Variants in APOH observed in about 807,000 individuals in gnomAD.
The protein encoded by APOH is apolipoprotein H, also known as beta-2-glycoprotein 1.
APOH carries 48 observed loss-of-function variants against 39.8 expected under a neutral mutation model. That is an observed-to-expected ratio of 1.21 (90% confidence interval 0.96 to 1.54). APOH has a LOEUF of 1.54. APOH is among the 40% of genes most tolerant of loss of function. The pLI, the probability that APOH is intolerant of heterozygous loss-of-function variation, is 0.00. For synonymous variants in APOH, 153 were observed against 151.1 expected (o/e 1.01, Z -0.09); for missense variants, 415 against 421.2 (o/e 0.99, Z 0.13).
chr17:66,225,745 C>A (rs578112219), intron 3 of APOH, among the ~76,000 whole-genome samples: 2 of 152,036 alleles, frequency 1.3e-5, no homozygotes, highest in Admixed American at 1.3e-4. Context: ...GGCGTGGTGG[C>A]GGGCGCCAGT....
In APOH at chr17:66,220,597, G is replaced by A. The variant is rs900764644; in HGVS notation, c.561C>T (p.Thr187=). ...QHAMFGNDTI[T]CTTHGNWTKL... is the part of the protein sequence containing the mutation. ...TAGTCCAATTTCCATGTGTCGTGCA[G>A]GTAATTGTATCATTTCCAAACATCG... The change falls in exon 5 of 8, where the codon ACC becomes ACT. Residue 187 remains threonine, a synonymous_variant. Transcript: ENST00000205948. The A allele has an allele frequency of 1.9e-6, 3 of 1,614,058 alleles. No homozygotes were observed.
At position 66,228,060 on chromosome 17, in the gene APOH, A is replaced by G; in HGVS notation, c.201T>C (p.Pro67=). The change falls in exon 2 of 8, where the codon CCT becomes CCC. Residue 67 remains proline (P), a synonymous_variant. Coordinates refer to ENST00000205948, the MANE Select transcript of APOH (RefSeq NM_000042.3). ...SRGGMRKFIC[P]LTGLWPINTL... ...TGTTGATGGGCCACAGTCCTGTGAG[A>G]GGGCAGATAAACTTTCTCATCCCTC... 1 of 1,614,192 alleles carries G rather than the reference A, an allele frequency of 6.2e-7. No individual in the cohort carries two copies. Among genetic ancestry groups the G allele is most frequent in the Non-Finnish European group, 8.5e-7 (1 of 1,180,034 alleles).
At position 66,221,561 on chromosome 17, in the gene APOH, A is replaced by C. The variant is rs148282995; in HGVS notation, c.416-819T>G. Among the ~76,000 whole-genome samples the C allele has an allele frequency of 2.8e-4, 43 of 152,278 alleles. No individual in the cohort carries two copies. The East Asian group carries it at 8.1e-3, about 29-fold the overall frequency. On this transcript the variant is annotated intron_variant, in intron 4 of 7. Transcript: ENST00000205948. ...TCTTTTATTCATATACTACCTTGGAAGATGCTTCTGGAAGGCAGAATTTGT... is the reference window on the plus strand; with the variant it reads ...TCTTTTATTCATATACTACCTTGGACGATGCTTCTGGAAGGCAGAATTTGT...
chr17:66,220,427 T>C (rs1302831209), intron 5 of APOH, 127 bp downstream of exon 5: 2 of 863,500 alleles, frequency 2.3e-6, no homozygotes, highest in Non-Finnish European at 3.6e-6. Flanking sequence ...TGGCACATGG[T>C]AGATGCTCAA....
At chr17:66,215,531 G>A (rs1342257232) in intron 6 of APOH, among the ~76,000 whole-genome samples, 4 of 152,142 alleles carry the variant, frequency 2.6e-5, no homozygotes, top group Admixed American at 6.5e-5. Context: ...TCGAATCCCC[G>A]TCTCAGGCTC....
chr17:66,214,923 GAAAA>G (rs11322858), intron 6 of APOH, among the ~76,000 whole-genome samples: 2 of 133,184 alleles, frequency 1.5e-5, no homozygotes, highest in Admixed American at 7.6e-5. Context: ...CCATTTCAGT[GAAAA>G]AAAAAAAAAA....
intron 5 of APOH, among the ~76,000 whole-genome samples, chr17:66,218,416 C>T (rs1207404262): frequency 6.6e-6 from 1 of 151,964 alleles, no homozygotes; most frequent in African/African-American, 2.4e-5. Context: ...TCAAGCGATT[C>T]TCCTGCCTCA....
At chr17:66,224,383 C>G (rs1167927894) in intron 3 of APOH, among the ~76,000 whole-genome samples, 1 of 129,888 alleles carries the variant, frequency 7.7e-6, no homozygotes, top group East Asian at 2.7e-4. Context: ...AGGAAGGATT[C>G]AAAAGGATTT....
At chr17:66,218,671 T>C (rs2073379911) in intron 5 of APOH, among the ~76,000 whole-genome samples, 2 of 152,180 alleles carry the variant, frequency 1.3e-5, no homozygotes, top group African/African-American at 4.8e-5. Flanking sequence ...ACAACTAGCC[T>C]GTACTCTTCA....
chr17:66,229,229 G>T, intron 1 of APOH, 87 bp downstream of exon 1: 2 of 1,104,496 alleles, frequency 1.8e-6, no homozygotes, highest in Non-Finnish European at 2.7e-6. Context: ...GAGCAAGCAC[G>T]CCCGGCCTAC....
chr17:66,225,888 A>T, intron 3 of APOH, 140 bp downstream of exon 3: 1 of 558,634 alleles, frequency 1.8e-6, no homozygotes, highest in Non-Finnish European at 3.0e-6. Context: ...AAAAAAAAAA[A>T]AAGCAGGACT....
chr17:66,218,205 G>A (rs771050890), intron 5 of APOH, among the ~76,000 whole-genome samples: 1 of 152,210 alleles, frequency 6.6e-6, no homozygotes, highest in Non-Finnish European at 1.5e-5. Flanking sequence ...AGAAAAAGCA[G>A]TGCCTTTACC....
At chr17:66,219,168 G>T (rs2073382747) in intron 5 of APOH, among the ~76,000 whole-genome samples, 1 of 152,106 alleles carries the variant, frequency 6.6e-6, no homozygotes, top group Admixed American at 6.6e-5. Flanking sequence ...AATGTTGCAT[G>T]ATATCGTTGT....
In APOH at chr17:66,214,441, A is replaced by G. The variant is rs774673795; in HGVS notation, c.982+12T>C. ...GTGGGAGTCCTAGCTAAACGTTCCA[A>G]TGCAGACTTACCCTTGAAGCATTTG... On this transcript the variant is annotated intron_variant, in intron 7 of 7. Transcript: ENST00000205948. The G allele has an allele frequency of 8.1e-6, 13 of 1,612,376 alleles. No homozygotes were observed. Among genetic ancestry groups the G allele is most frequent in the Middle Eastern group, 1.7e-4 (1 of 6,046 alleles).
chr17:66,212,541 T>C (rs1325990940), intron 7 of APOH, among the ~76,000 whole-genome samples: 5 of 152,212 alleles, frequency 3.3e-5, no homozygotes, highest in East Asian at 3.9e-4. Context: ...CGTGCCACCA[T>C]GCCTGGCTAA....
chr17:66,226,895 A>ATTTTT (rs748060781), intron 2 of APOH, among the ~76,000 whole-genome samples: 5 of 108,066 alleles, frequency 4.6e-5, no homozygotes, highest in African/African-American at 1.6e-4. Flanking sequence ...TTATTTATTT[A>ATTTTT]TTTTTTTTTT....
intron 5 of APOH, among the ~76,000 whole-genome samples, chr17:66,219,330 G>A (rs2073383882): frequency 6.6e-6 from 1 of 152,004 alleles, no homozygotes; most frequent in African/African-American, 2.4e-5. Context: ...AGATGATGCA[G>A]GAAATAAAAG....
At position 66,220,609 on chromosome 17, in the gene APOH, A is replaced by T; in HGVS notation, c.549T>A (p.Asn183Lys). The T allele has an allele frequency of 6.2e-7, 1 of 1,614,180 alleles. No homozygotes were observed. Among genetic ancestry groups the T allele is most frequent in the East Asian group, 2.2e-5 (1 of 44,890 alleles). ...ECLPQHAMFGNDTITCTTHGN... is the reference protein window; with the variant it reads ...ECLPQHAMFGKDTITCTTHGN... ...CATGTGTCGTGCAGGTAATTGTATC[A>T]TTTCCAAACATCGCATGTTGTGGCA... The change falls in exon 5 of 8, where the codon AAT (asparagine) becomes AAA (lysine). Residue 183 changes from asparagine (N) to lysine (K), a missense_variant. Asn to Lys is a moderately conservative substitution (Grantham distance 94, BLOSUM62 0). Transcript: ENST00000205948.
At chr17:66,221,273 G>GGAAGGAAA (rs2073398319) in intron 4 of APOH, among the ~76,000 whole-genome samples, 1 of 140,066 alleles carries the variant, frequency 7.1e-6, no homozygotes, top group Non-Finnish European at 1.5e-5. Flanking sequence ...AAGAAAGGAA[G>GGAAGGAAA]GAAGGAAGGA....
Sources: gnomAD v4.1 joint callset for allele counts (sites outside exome capture counted in the v4.1 genomes callset) on GRCh38, gnomAD v4.1.1 for gene constraint, MANE v1.5 for transcripts, NCBI Gene and HGNC (gene_info 2026-07-23, HGNC 2026-07-21) for gene names.